Variants in NF1 observed in about 807,000 individuals in gnomAD.
NF1 encodes neurofibromin 1.
In NF1, 122 loss-of-function variants were observed where a neutral mutation model predicts 325.7. That is an observed-to-expected ratio of 0.37 (90% CI 0.32 to 0.44). The LOEUF is 0.44. Among genes scored for constraint, NF1 ranks in the 20% least tolerant of loss-of-function variants. The probability of loss-of-function intolerance (pLI) is 1.00; values close to 1 mark genes in which losing one functional copy is unlikely to be tolerated. For missense variants in NF1, 2,140 were observed against 3,415.4 expected (o/e 0.63, Z 9.31); for synonymous variants, 1,091 against 1,186.0 (o/e 0.92, Z 1.65).
chr17:31,122,529 C>G (rs1023487397), intron 1 of NF1, among the ~76,000 whole-genome samples: 7 of 152,174 alleles, frequency 4.6e-5, no homozygotes, highest in Non-Finnish European at 8.8e-5. Context: ...TGCAGTCTTG[C>G]ATTGAAATAG....
intron 8 of NF1, among the ~76,000 whole-genome samples, chr17:31,188,104 A>G (rs760576064): frequency 1.3e-5 from 2 of 152,178 alleles, no homozygotes; most frequent in East Asian, 1.9e-4. Context: ...CAGGACTACA[A>G]ATGACCCAGA....
Position 31,337,855 on chromosome 17 carries a change from G to A in NF1, c.6679G>A (p.Asp2227Asn), listed in dbSNP as rs993364800. The change falls in exon 44 of 58, where the codon GAC (aspartate) becomes AAC (asparagine). Residue 2227 changes from aspartate to asparagine, a missense_variant. Asp to Asn is a conservative substitution (Grantham distance 23). This residue lies in a region of NF1 where 522 missense variants were observed against 749.0 expected (regional missense o/e 0.70). Transcript: ENST00000358273. ...MRDIPTCKWLDQWTELAQRFA... is the reference protein window; with the variant it reads ...MRDIPTCKWLNQWTELAQRFA... ...AGATATTCCAACGTGCAAGTGGCTG[G>A]ACCAGTGGACAGAACTAGCTCAAAG... is the stretch of plus-strand genomic sequence containing the variant. The A allele has an allele frequency of 1.2e-6, 2 of 1,613,910 alleles. No individual in the cohort carries two copies. The highest frequency in any genetic ancestry group is 1.3e-5 in the African/African-American group (1 of 75,002).
intron 3 of NF1, among the ~76,000 whole-genome samples, chr17:31,161,177 A>G (rs560976747): frequency 1.1e-4 from 16 of 152,292 alleles, no homozygotes; most frequent in Non-Finnish European, 2.2e-4. Flanking sequence ...GAATTTGAGG[A>G]ATCTTAAGTA....
intron 36 of NF1, among the ~76,000 whole-genome samples, chr17:31,298,235 A>C (rs1431565890): frequency 5.3e-5 from 8 of 152,166 alleles, no homozygotes; most frequent in Admixed American, 5.2e-4. Flanking sequence ...TTATAAAGTG[A>C]GATCAGATTT....
At chr17:31,185,575 G>A (rs553000425) in intron 8 of NF1, among the ~76,000 whole-genome samples, 1 of 152,274 alleles carries the variant, frequency 6.6e-6, no homozygotes, top group East Asian at 1.9e-4. Context: ...TCTTTCTAAG[G>A]TGAAGAATAT....
At chr17:31,123,956 A>G (rs1345403859) in intron 1 of NF1, among the ~76,000 whole-genome samples, 2 of 151,802 alleles carry the variant, frequency 1.3e-5, no homozygotes, top group Admixed American at 6.6e-5. Flanking sequence ...ATATTTTTAT[A>G]TTTTTCTTTT....
At chr17:31,338,585 G>A (rs1247210785) in intron 45 of NF1, 119 bp from the exon 46 acceptor site, 1 of 726,708 alleles carries the variant, frequency 1.4e-6, no homozygotes, top group Non-Finnish European at 2.5e-6. Context: ...CATAGCATGA[G>A]AAATCATTCT....
Position 31,374,129 on chromosome 17 carries a change from C to A in NF1, c.8494C>A (p.Arg2832Ser), listed in dbSNP as rs587782893. The stretch of plus-strand genomic sequence containing the variant: ...GCAAAGAAGCGCTGGCAGTTTCAAA[C>A]GTAATAGCATTAAGAAGATCGTGTG... The part of the protein sequence containing the change: ...QKQRSAGSFK[R>S]NSIKKIV The change falls in exon 58 of 58, where the codon CGT (arginine) becomes AGT (serine). Residue 2832 changes from arginine (R) to serine (S), a missense_variant. Around this residue, in one of 10 missense-constraint regions of NF1, gnomAD observed 522 missense variants for 749.0 expected, o/e 0.70. Coordinates refer to ENST00000358273, the MANE Select transcript of NF1 (RefSeq NM_001042492.3). 6.2e-7 allele frequency: 1 copy of A among 1,614,082 alleles called. No homozygotes were observed. Among genetic ancestry groups the A allele is most frequent in the Non-Finnish European group, 8.5e-7 (1 of 1,179,960 alleles).
chr17:31,218,541 CT>C (rs1002659862), intron 13 of NF1, among the ~76,000 whole-genome samples: 2 of 151,820 alleles, frequency 1.3e-5, no homozygotes, highest in Non-Finnish European at 2.9e-5. Context: ...AATTCTAGAA[CT>C]TTTTTTTCTT....
At chr17:31,282,881 C>T (rs2068148377) in intron 36 of NF1, among the ~76,000 whole-genome samples, 1 of 152,138 alleles carries the variant, frequency 6.6e-6, no homozygotes, top group Non-Finnish European at 1.5e-5. Flanking sequence ...TTGCTACCAG[C>T]AGTGAATGAG....
intron 1 of NF1, among the ~76,000 whole-genome samples, chr17:31,113,469 C>T (rs997426504): frequency 3.9e-5 from 6 of 152,000 alleles, no homozygotes; most frequent in Non-Finnish European, 1.5e-5. Context: ...GTCTCGAGCA[C>T]CTGGCCTCAA....
At position 31,182,600 on chromosome 17, in the gene NF1, A is replaced by C. The variant is rs786202464; in HGVS notation, c.823A>C (p.Ile275Leu). The C allele has an allele frequency of 6.2e-7, 1 of 1,614,066 alleles. No individual in the cohort carries two copies. The highest frequency in any genetic ancestry group is 8.5e-7 in the Non-Finnish European group (1 of 1,179,950). ...AVWPLQIILL[I>L]LCPEIIQDIS... ...TTGGCCACTACAAATCATTCTCCTT[A>C]TCTTGTGTCCAGAAATAATCCAGGA... Residue 275 changes from isoleucine to leucine, a missense_variant, in exon 8 of 58, where the codon ATC (isoleucine) becomes CTC (leucine). Ile to Leu is a conservative substitution (Grantham distance 5). Coordinates refer to ENST00000358273, the MANE Select transcript of NF1 (RefSeq NM_001042492.3).
At chr17:31,317,125 T>A (rs1171847219) in intron 36 of NF1, among the ~76,000 whole-genome samples, 1 of 152,154 alleles carries the variant, frequency 6.6e-6, no homozygotes, top group Admixed American at 6.6e-5. Context: ...AAAATATTTT[T>A]AAAATGGTTA....
intron 1 of NF1, among the ~76,000 whole-genome samples, chr17:31,151,222 T>C (rs1203828276): frequency 6.6e-6 from 1 of 152,126 alleles, no homozygotes; most frequent in African/African-American, 2.4e-5. Flanking sequence ...AATAACATGC[T>C]GTACAGTTTT....
chr17:31,118,237 G>A (rs1914124354), intron 1 of NF1, among the ~76,000 whole-genome samples: 1 of 151,344 alleles, frequency 6.6e-6, no homozygotes, highest in Non-Finnish European at 1.5e-5. Flanking sequence ...AATTACACTG[G>A]ATTCTTAAAA....
rs1329404227 is a variant in NF1, at chr17:31,275,897, T to G, written c.4835+10558T>G. 2.0e-5 allele frequency among the ~76,000 whole-genome samples: 3 copies of G among 152,226 alleles called. No homozygotes were observed. In the East Asian group the frequency reaches 5.8e-4, roughly 29 times the overall value. On this transcript the variant is annotated intron_variant, in intron 36 of 57. Transcript: ENST00000358273. ...TCTAGCTTCTAATATAGTGAGTGTT[T>G]ATAAAGAATAGGACACAGGGCCAGT...
chr17:31,153,198 G>C (rs1917066691), intron 1 of NF1, among the ~76,000 whole-genome samples: 1 of 152,102 alleles, frequency 6.6e-6, no homozygotes, highest in Admixed American at 6.6e-5. Flanking sequence ...ATAATTACAT[G>C]TGTGGCTACT....
chr17:31,370,690 A>G (rs997601041), intron 57 of NF1, among the ~76,000 whole-genome samples: 1 of 152,144 alleles, frequency 6.6e-6, no homozygotes, highest in Admixed American at 6.5e-5. Flanking sequence ...CACCCATGTC[A>G]TGACTGTTTT....
At chr17:31,201,553 T>C in intron 11 of NF1, 68 bp downstream of exon 11, 7 of 1,135,540 alleles carry the variant, frequency 6.2e-6, no homozygotes, top group East Asian at 2.3e-5. Flanking sequence ...CGTATTTCTT[T>C]TTAAGAAATG....
Sources: gnomAD v4.1 joint callset for allele counts (sites outside exome capture counted in the v4.1 genomes callset) on GRCh38, gnomAD v4.1.1 for gene constraint, gnomAD v4.1.1 regional missense constraint, MANE v1.5 for transcripts, NCBI Gene and HGNC (gene_info 2026-07-23, HGNC 2026-07-21) for gene names.